FBXL17: variants seen among roughly 807,000 people sequenced by gnomAD.
FBXL17 encodes F-box and leucine rich repeat protein 17.
FBXL17 carries 22 observed loss-of-function variants against 66.2 expected under a neutral mutation model. The ratio of observed to expected loss-of-function variants is 0.33; its 90% CI spans 0.24 to 0.47. The LOEUF is 0.47. Among genes scored for constraint, FBXL17 ranks in the 20% least tolerant of loss-of-function variants. The pLI, the probability that FBXL17 is intolerant of heterozygous loss-of-function variation, is 1.00. For synonymous variants in FBXL17, 474 were observed against 400.5 expected (o/e 1.18, Z -2.19); for missense variants, 878 against 948.2 (o/e 0.93, Z 0.97).
chr5:108,048,372 A>T (rs1210257962), intron 6 of FBXL17, among the ~76,000 whole-genome samples: 4 of 152,244 alleles, frequency 2.6e-5, no homozygotes, highest in Admixed American at 6.5e-5. Context: ...AAATGCTGAA[A>T]ACCCAAGAGG....
At chr5:108,169,438 T>C (rs1752528217) in intron 6 of FBXL17, among the ~76,000 whole-genome samples, 1 of 152,250 alleles carries the variant, frequency 6.6e-6, no homozygotes, top group African/African-American at 2.4e-5. Flanking sequence ...TTCCTTCAAA[T>C]TCATTTACTA....
intron 4 of FBXL17, chr5:108,299,519 C>T (rs1472456277): frequency 1.0e-6 from 1 of 952,432 alleles, no homozygotes; most frequent in African/African-American, 1.8e-5. Flanking sequence ...AACAGGAGGG[C>T]TAATTTCTAT....
intron 6 of FBXL17, among the ~76,000 whole-genome samples, chr5:108,132,668 T>C (rs1320294873): frequency 6.6e-6 from 1 of 152,190 alleles, no homozygotes; most frequent in Non-Finnish European, 1.5e-5. Flanking sequence ...GGGCTTTCAG[T>C]AAACAATGAT....
chr5:108,279,348 A>G (rs1757612383), intron 4 of FBXL17, among the ~76,000 whole-genome samples: 1 of 152,116 alleles, frequency 6.6e-6, no homozygotes, highest in African/African-American at 2.4e-5. Context: ...AGACCAGGCC[A>G]CCCAGCATCC....
chr5:108,086,918 G>A (rs1748996516), intron 6 of FBXL17, among the ~76,000 whole-genome samples: 1 of 152,050 alleles, frequency 6.6e-6, no homozygotes, highest in African/African-American at 2.4e-5. Context: ...CACTACCGTG[G>A]CATACCACCA....
chr5:108,134,700 C>T (rs2149979981), intron 6 of FBXL17, among the ~76,000 whole-genome samples: 1 of 152,202 alleles, frequency 6.6e-6, no homozygotes, highest in Middle Eastern at 3.4e-3. Context: ...CATTTGAAAA[C>T]CATATGTATG....
At chr5:108,336,915 G>C (rs987236671) in intron 4 of FBXL17, among the ~76,000 whole-genome samples, 1 of 151,990 alleles carries the variant, frequency 6.6e-6, no homozygotes, top group Admixed American at 6.6e-5. Flanking sequence ...TAAAGTTACT[G>C]ACTTGTCTCA....
At chr5:108,019,035 C>T (rs1353324005) in intron 7 of FBXL17, among the ~76,000 whole-genome samples, 1 of 152,104 alleles carries the variant, frequency 6.6e-6, no homozygotes, top group Non-Finnish European at 1.5e-5. Context: ...ACATAAACCT[C>T]TTCTAAGACT....
At chr5:108,312,467 T>G (rs998249596) in intron 4 of FBXL17, among the ~76,000 whole-genome samples, 21 of 152,114 alleles carry the variant, frequency 1.4e-4, no homozygotes, top group Non-Finnish European at 2.9e-5. Context: ...GGAGAGTAAT[T>G]TCACACATAT....
At chr5:108,101,324 C>A (rs10079990) in intron 6 of FBXL17, among the ~76,000 whole-genome samples, 44,966 of 152,154 alleles carry the variant, frequency 0.3, 7,656 homozygotes, top group Admixed American at 0.4. Flanking sequence ...TTGAACAATG[C>A]CATGGTTAGC....
intron 6 of FBXL17, among the ~76,000 whole-genome samples, chr5:108,125,556 T>G (rs1436710278): frequency 6.6e-6 from 1 of 152,064 alleles, no homozygotes; most frequent in Admixed American, 6.6e-5. Flanking sequence ...TTTTATGTAT[T>G]AGTAACGATA....
At chr5:108,071,301 A>G (rs1418110943) in intron 6 of FBXL17, among the ~76,000 whole-genome samples, 1 of 152,242 alleles carries the variant, frequency 6.6e-6, no homozygotes, top group African/African-American at 2.4e-5. Flanking sequence ...TCCAGGTTTA[A>G]GGCATTGGAG....
intron 7 of FBXL17, among the ~76,000 whole-genome samples, chr5:107,960,872 A>T (rs1289555013): frequency 6.6e-6 from 1 of 152,182 alleles, no homozygotes; most frequent in East Asian, 1.9e-4. Flanking sequence ...TCCAAACTGT[A>T]GGGAGTTCCA....
At chr5:108,022,820 A>T (rs1436455742) in intron 6 of FBXL17, among the ~76,000 whole-genome samples, 1 of 152,174 alleles carries the variant, frequency 6.6e-6, no homozygotes, top group Non-Finnish European at 1.5e-5. Flanking sequence ...AAATGTTAGT[A>T]CATAAGCAAC....
At chr5:107,917,694 T>C (rs1254398657) in intron 7 of FBXL17, among the ~76,000 whole-genome samples, 1 of 152,240 alleles carries the variant, frequency 6.6e-6, no homozygotes, top group Non-Finnish European at 1.5e-5. Flanking sequence ...AGTGAAGATT[T>C]AAAAGCTTGG....
intron 6 of FBXL17, among the ~76,000 whole-genome samples, chr5:108,069,074 C>T (rs1748229940): frequency 6.6e-6 from 1 of 152,150 alleles, no homozygotes. Flanking sequence ...CACACACATA[C>T]ACACACAAAC....
At chr5:108,138,890 C>T (rs575136411) in intron 6 of FBXL17, among the ~76,000 whole-genome samples, 5 of 152,108 alleles carry the variant, frequency 3.3e-5, no homozygotes, top group Non-Finnish European at 7.4e-5. Context: ...AAAATAAAAG[C>T]TTGTGACAAA....
At chr5:107,954,378 G>T (rs1360309256) in intron 7 of FBXL17, among the ~76,000 whole-genome samples, 1 of 152,192 alleles carries the variant, frequency 6.6e-6, no homozygotes, top group Non-Finnish European at 1.5e-5. Flanking sequence ...GACTTTAAAA[G>T]ACCAGTGATA....
At chr5:107,916,269 T>C (rs1042302525) in intron 7 of FBXL17, among the ~76,000 whole-genome samples, 13 of 152,204 alleles carry the variant, frequency 8.5e-5, no homozygotes, top group Non-Finnish European at 1.9e-4. Context: ...ATGGTTAAGG[T>C]CATGCTTTTA....
Sources: allele counts gnomAD v4.1 joint callset (sites outside exome capture counted in the v4.1 genomes callset), GRCh38; gene constraint gnomAD v4.1.1; transcripts MANE v1.5; gene names NCBI Gene and HGNC (gene_info 2026-07-23, HGNC 2026-07-21).